The following KSR1 variants were observed in gnomAD, a reference collection of about 807,000 sequenced individuals.
KSR1 encodes kinase suppressor of ras 1.
In KSR1, 35 loss-of-function variants were observed where a neutral mutation model predicts 92.9. That is an observed-to-expected ratio of 0.38 (90% CI 0.29 to 0.50). The LOEUF is 0.50. KSR1 is among the 20% of genes least tolerant of loss of function. The pLI, the probability that KSR1 is intolerant of heterozygous loss-of-function variation, is 0.94. For synonymous variants in KSR1, 467 were observed against 472.6 expected (o/e 0.99, Z 0.15); for missense variants, 972 against 1,158.5 (o/e 0.84, Z 2.34).
chr17:27,574,038 C>A (rs1003353860), intron 2 of KSR1, among the ~76,000 whole-genome samples: 1 of 152,180 alleles, frequency 6.6e-6, no homozygotes, highest in African/African-American at 2.4e-5. Flanking sequence ...CCCCATTAAA[C>A]ATCTCTATCA....
At chr17:27,580,781 T>A (rs370031667) in intron 3 of KSR1, among the ~76,000 whole-genome samples, 2 of 151,986 alleles carry the variant, frequency 1.3e-5, no homozygotes, top group East Asian at 3.9e-4. Flanking sequence ...TACCTGAAAC[T>A]GGATTGGTTA....
chr17:27,487,869 C>G (rs2068714545), intron 1 of KSR1, among the ~76,000 whole-genome samples: 1 of 152,118 alleles, frequency 6.6e-6, no homozygotes. Flanking sequence ...TCACCTCTTG[C>G]TTGAACTAAT....
chr17:27,606,039 G>A (rs770750219), intron 14 of KSR1, among the ~76,000 whole-genome samples: 22 of 152,320 alleles, frequency 1.4e-4, no homozygotes, highest in African/African-American at 4.3e-4. Flanking sequence ...CAACACTTTG[G>A]GAGGCCAAGG....
chr17:27,605,621 G>A lies in KSR1; in HGVS notation c.1802G>A (p.Arg601His), dbSNP rs749019786. ...VELGEPIGQG[R>H]WGRVHRGRWH... ...CTGGGCGAGCCCATCGGGCAGGGCCGCTGGGGCCGGGTGCACCGCGGCCGC... is the reference window on the plus strand; with the variant it reads ...CTGGGCGAGCCCATCGGGCAGGGCCACTGGGGCCGGGTGCACCGCGGCCGC... Residue 601 changes from arginine to histidine, a missense_variant, in exon 14 of 21, where the codon CGC becomes CAC. Physicochemically the swap from Arg to His is conservative, Grantham distance 29. Transcript: ENST00000644974. 1.9e-6 allele frequency: 3 copies of A among 1,607,278 alleles called. No individual in the cohort carries two copies. The highest frequency in any genetic ancestry group is 1.7e-6 in the Non-Finnish European group (2 of 1,177,530).
intron 1 of KSR1, among the ~76,000 whole-genome samples, chr17:27,507,513 T>C (rs1029079568): frequency 3.3e-5 from 5 of 151,624 alleles, no homozygotes; most frequent in African/African-American, 1.2e-4. Context: ...AGTGATATTT[T>C]GGGTATGTTT....
At chr17:27,518,795 C>A (rs1210510085) in intron 1 of KSR1, among the ~76,000 whole-genome samples, 1 of 152,246 alleles carries the variant, frequency 6.6e-6, no homozygotes, top group Non-Finnish European at 1.5e-5. Flanking sequence ...GCATAGCCTT[C>A]ATAGTGCTGG....
At chr17:27,574,084 G>T (rs750503420) in intron 2 of KSR1, among the ~76,000 whole-genome samples, 47 of 152,290 alleles carry the variant, frequency 3.1e-4, no homozygotes, top group Non-Finnish European at 5.6e-4. Context: ...CACAGCCTTG[G>T]AGTATGTGGT....
chr17:27,538,035 T>G (rs1290246389), intron 1 of KSR1, among the ~76,000 whole-genome samples: 3 of 152,208 alleles, frequency 2.0e-5, no homozygotes, highest in Non-Finnish European at 4.4e-5. Flanking sequence ...TCTTCGAGAT[T>G]TAAGGACTTT....
chr17:27,507,651 A>G (rs1416343520), intron 1 of KSR1, among the ~76,000 whole-genome samples: 3 of 116,404 alleles, frequency 2.6e-5, no homozygotes, highest in Non-Finnish European at 4.8e-5. Flanking sequence ...ATCTTGGCTC[A>G]CCGTAACCTC....
intron 2 of KSR1, among the ~76,000 whole-genome samples, chr17:27,556,649 G>C (rs1464090188): frequency 6.6e-6 from 1 of 152,214 alleles, no homozygotes; most frequent in Admixed American, 6.5e-5. Context: ...CCCTGTTCCT[G>C]TCCCTGTATG....
At chr17:27,605,969 C>T (rs149865237) in intron 14 of KSR1, among the ~76,000 whole-genome samples, 156 bp downstream of exon 14, 4 of 152,288 alleles carry the variant, frequency 2.6e-5, no homozygotes, top group Admixed American at 6.5e-5. Context: ...ATCACATAAC[C>T]GCATTGACAC....
chr17:27,544,983 C>G (rs2071108608), intron 1 of KSR1, among the ~76,000 whole-genome samples: 1 of 152,234 alleles, frequency 6.6e-6, no homozygotes, highest in Non-Finnish European at 1.5e-5. Flanking sequence ...GAACCCAAAT[C>G]TGTAGAGGTT....
intron 16 of KSR1, chr17:27,609,808 C>T (rs761134132): frequency 1.4e-4 from 55 of 402,918 alleles, no homozygotes; most frequent in Non-Finnish European, 2.3e-4. Context: ...GGGAGCTGGG[C>T]ACCTTCACCA....
At chr17:27,504,939 A>C (rs2069323076) in intron 1 of KSR1, among the ~76,000 whole-genome samples, 1 of 152,178 alleles carries the variant, frequency 6.6e-6, no homozygotes, top group African/African-American at 2.4e-5. Flanking sequence ...CCTGTCTATA[A>C]AACGGGCATA....
At chr17:27,498,792 C>T (rs906414438) in intron 1 of KSR1, among the ~76,000 whole-genome samples, 4 of 152,156 alleles carry the variant, frequency 2.6e-5, no homozygotes, top group African/African-American at 9.7e-5. Flanking sequence ...TTTTAAAATG[C>T]GCCTCAGGTG....
chr17:27,564,945 T>G (rs1420623581), intron 2 of KSR1, among the ~76,000 whole-genome samples: 1 of 152,222 alleles, frequency 6.6e-6, no homozygotes, highest in Admixed American at 6.5e-5. Flanking sequence ...GTTTTTGTTT[T>G]TAATAACATT....
chr17:27,622,057 C>A, intron 20 of KSR1: 1 of 863,034 alleles, frequency 1.2e-6, no homozygotes, highest in Non-Finnish European at 1.9e-6. Context: ...ACCTCTGCTG[C>A]TCCAGTCGTC....
chr17:27,500,285 C>G (rs1366760368), intron 1 of KSR1, among the ~76,000 whole-genome samples: 2 of 152,142 alleles, frequency 1.3e-5, no homozygotes, highest in Non-Finnish European at 2.9e-5. Context: ...TCCAGAGTGG[C>G]CCTAGTGATC....
At chr17:27,566,885 A>G (rs1387262686) in intron 2 of KSR1, among the ~76,000 whole-genome samples, 1 of 152,208 alleles carries the variant, frequency 6.6e-6, no homozygotes, top group Non-Finnish European at 1.5e-5. Flanking sequence ...AGGGAGCTTA[A>G]GAACGTGGAG....
Sources: gnomAD v4.1 joint callset for allele counts (sites outside exome capture counted in the v4.1 genomes callset) on GRCh38, gnomAD v4.1.1 for gene constraint, MANE v1.5 for transcripts, NCBI Gene and HGNC (gene_info 2026-07-23, HGNC 2026-07-21) for gene names.